The following HAUS5 variants were observed in gnomAD, a reference collection of about 807,000 sequenced individuals.
The protein encoded by HAUS5 is HAUS augmin-like complex subunit 5.
Under a neutral mutation model 94.1 loss-of-function variants are expected in HAUS5, and 67 were observed. The observed-to-expected ratio is 0.71, with a 90% CI of 0.58 to 0.87. The LOEUF (loss-of-function observed/expected upper bound fraction) is 0.87, where lower values mean the gene tolerates loss of function less well. Ranked by LOEUF, HAUS5 falls within the 40% of genes least tolerant of loss-of-function variation. The pLI, the probability that HAUS5 is intolerant of heterozygous loss-of-function variation, is 0.00. For synonymous variants in HAUS5, 339 were observed against 355.4 expected (o/e 0.95, Z 0.52); for missense variants, 739 against 825.6 (o/e 0.90, Z 1.29).
At chr19:35,618,794 C>T in intron 12 of HAUS5, 93 bp from the exon 13 acceptor site, 2 of 1,517,970 alleles carry the variant, frequency 1.3e-6, no homozygotes, top group Non-Finnish European at 8.9e-7. Flanking sequence ...CCTATCTCTG[C>T]CTCCTCTCCC....
chr19:35,620,126 G>A lies in HAUS5; in HGVS notation c.1518+3G>A. ...AGCTGGGGCTGCCTCCAGGGAAGGT[G>A]AGTGCCCGTCTCCTGTGACTTGTCT... On this transcript the variant is annotated splice_donor_region_variant and intron_variant, in intron 16 of 18. Coordinates refer to ENST00000203166, the MANE Select transcript of HAUS5 (RefSeq NM_015302.2). The A allele has an allele frequency of 6.2e-7, 1 of 1,613,632 alleles. No individual in the cohort carries two copies. The highest frequency in any genetic ancestry group is 8.5e-7 in the Non-Finnish European group (1 of 1,179,656).
intron 6 of HAUS5, among the ~76,000 whole-genome samples, 181 bp from the exon 7 acceptor site, chr19:35,616,943 A>C (rs1431919775): frequency 6.6e-6 from 1 of 152,178 alleles, no homozygotes; most frequent in Non-Finnish European, 1.5e-5. Context: ...CGTGGAGCAA[A>C]AGCAGTGGGG....
chr19:35,617,556 G>A (rs765305090), intron 8 of HAUS5, among the ~76,000 whole-genome samples, 187 bp downstream of exon 8: 30 of 152,210 alleles, frequency 2.0e-4, no homozygotes, highest in Non-Finnish European at 2.9e-4. Flanking sequence ...GGGCTGTTGC[G>A]GGAGTGAGGA....
intron 17 of HAUS5, 148 bp downstream of exon 17, chr19:35,620,475 G>A (rs1967193072): frequency 2.8e-6 from 2 of 703,680 alleles, no homozygotes; most frequent in Non-Finnish European, 4.7e-6. Flanking sequence ...CATCTGCACG[G>A]CAGTCCCATA....
At chr19:35,617,832 T>C in intron 8 of HAUS5, 23 bp from the exon 9 acceptor site, 1 of 1,611,112 alleles carries the variant, frequency 6.2e-7, no homozygotes, top group Non-Finnish European at 8.5e-7. Flanking sequence ...TAACGTTCTC[T>C]GTCCGCTTAC....
At position 35,614,062 on chromosome 19, in the gene HAUS5, G is replaced by A; in HGVS notation, c.219+3G>A. 6 of 1,613,388 alleles carry A rather than the reference G, an allele frequency of 3.7e-6. No homozygotes were observed. Among genetic ancestry groups the A allele is most frequent in the Admixed American group, 1.7e-5 (1 of 60,006 alleles). On this transcript the variant is annotated splice_donor_region_variant and intron_variant, in intron 4 of 18. Coordinates refer to ENST00000203166, the MANE Select transcript of HAUS5 (RefSeq NM_015302.2). ...ATGGCCACCAGGACAGTCCACAGGT[G>A]AGAAGCATATGCTACAAGATTCTCT... is the stretch of plus-strand genomic sequence containing the variant.
rs561793567 is a variant in HAUS5, at chr19:35,615,332, G to A, written c.431G>A (p.Arg144Gln). The stretch of plus-strand genomic sequence containing the variant: ...ATGCGAAGACAGCAGCATACGCTCC[G>A]AGATCCCATGCAGCGGCTGCAGAAT... ...GAMRRQQHTL[R>Q]DPMQRLQNQL... The change falls in exon 6 of 19, where the codon CGA becomes CAA. Residue 144 changes from arginine (R) to glutamine (Q), a missense_variant. Coordinates refer to ENST00000203166, the MANE Select transcript of HAUS5 (RefSeq NM_015302.2). 1.1e-5 allele frequency: 17 copies of A among 1,612,886 alleles called. No individual in the cohort carries two copies. In the Admixed American group the frequency reaches 1.7e-4, roughly 16 times the overall value.
chr19:35,618,637 G>A lies in HAUS5; in HGVS notation c.954G>A (p.Leu318=), dbSNP rs752433023. The A allele has an allele frequency of 1.9e-6, 3 of 1,607,970 alleles. No homozygotes were observed. Among genetic ancestry groups the A allele is most frequent in the Non-Finnish European group, 2.6e-6 (3 of 1,175,308 alleles). ...RSTLLKERQV[L]TQRLQGLVEE... is the part of the protein sequence containing the mutation. ...CCCTCCTGAAGGAGCGGCAAGTCTT[G>A]ACCCAGCGCCTCCAGGGCCTGGTGG... is the stretch of plus-strand genomic sequence containing the variant. Residue 318 remains leucine, a synonymous_variant, in exon 12 of 19, where the codon TTG becomes TTA. Coordinates refer to ENST00000203166, the MANE Select transcript of HAUS5 (RefSeq NM_015302.2).
chr19:35,621,900 G>A (rs955408343), intron 17 of HAUS5, among the ~76,000 whole-genome samples: 2 of 152,222 alleles, frequency 1.3e-5, no homozygotes, highest in African/African-American at 2.4e-5. Flanking sequence ...CACGCTGCTC[G>A]TCTGCACTTG....
In HAUS5 at chr19:35,618,096, G is replaced by T. The variant is rs202043990; in HGVS notation, c.722G>T (p.Gly241Val). The T allele has an allele frequency of 1.3e-5, 21 of 1,603,898 alleles. No homozygotes were observed. Among genetic ancestry groups the T allele is most frequent in the Admixed American group, 5.1e-5 (3 of 59,268 alleles). Residue 241 changes from glycine to valine, a missense_variant, in exon 10 of 19, where the codon GGC becomes GTC. Physicochemically the swap from Gly to Val is moderately radical, Grantham distance 109 (BLOSUM62 -3). Coordinates refer to ENST00000203166, the MANE Select transcript of HAUS5 (RefSeq NM_015302.2). ...ACGCTGCTGACAAACCACCCCCCAG[G>T]CCACGTCCTGGCTGCCTTGGAGCAC... Reference protein sequence around the residue: ...VETLLTNHPPGHVLAALEHLA... With the variant: ...VETLLTNHPPVHVLAALEHLA...
In HAUS5 at chr19:35,619,445, C is replaced by T. The variant is rs746734433; in HGVS notation, c.1201C>T (p.Arg401Cys). 4.1e-5 allele frequency: 65 copies of T among 1,604,010 alleles called. 1 individual carries two copies. Among genetic ancestry groups the T allele is most frequent in the South Asian group, 3.5e-4 (31 of 89,048 alleles). ...QLVEETQEQV[R>C]LLIKGNSASK... ...TCAGGAGGAGACCCAGGAACAGGTC[C>T]GCCTGCTCATCAAGGGAAACTCGGC... The change falls in exon 14 of 19, where the codon CGC becomes TGC. Residue 401 changes from arginine to cysteine, a missense_variant. Arg to Cys is a radical substitution (Grantham distance 180). Transcript: ENST00000203166.
chr19:35,613,755 A>T lies in HAUS5; in HGVS notation c.124A>T (p.Ile42Phe). 5 of 1,614,116 alleles carry T rather than the reference A, an allele frequency of 3.1e-6. No homozygotes were observed. Among genetic ancestry groups the T allele is most frequent in the Non-Finnish European group, 4.2e-6 (5 of 1,180,000 alleles). The change falls in exon 2 of 19, where the codon ATC (isoleucine) becomes TTC (phenylalanine). Residue 42 changes from isoleucine to phenylalanine, a missense_variant. Ile to Phe is a conservative substitution (Grantham distance 21). Transcript: ENST00000203166. ...GCTGTGTCTGGGCCAGGGGGCTGAC[A>T]TCTGGGCCTACATCTTGCAGCATGT... The part of the protein sequence containing the change: ...RRLCLGQGAD[I>F]WAYILQHVHS...
At position 35,622,864 on chromosome 19, in the gene HAUS5, G is replaced by A. The variant is rs764863560; in HGVS notation, c.1785-12G>A. On this transcript the variant is annotated splice_polypyrimidine_tract_variant and intron_variant, in intron 18 of 18. Coordinates refer to ENST00000203166, the MANE Select transcript of HAUS5 (RefSeq NM_015302.2). ...TCAGTCCTTTCCTCGTTGACGCCAT[G>A]CCATTCCCCAGGTGGGAGCAGCCAG... is the stretch of plus-strand genomic sequence containing the variant. 1 of 1,611,664 alleles carries A rather than the reference G, an allele frequency of 6.2e-7. No homozygotes were observed.
At chr19:35,621,362 A>G (rs1335826854) in intron 17 of HAUS5, among the ~76,000 whole-genome samples, 2 of 151,998 alleles carry the variant, frequency 1.3e-5, no homozygotes, top group Non-Finnish European at 2.9e-5. Flanking sequence ...TGTTTTTTTG[A>G]GACAAGGTCT....
intron 7 of HAUS5, 37 bp downstream of exon 7, chr19:35,617,230 C>G: frequency 6.2e-7 from 1 of 1,610,010 alleles, no homozygotes; most frequent in Non-Finnish European, 8.5e-7. Flanking sequence ...GGCAGGGAGC[C>G]TGGAGTCAGG....
chr19:35,613,831 G>A, intron 2 of HAUS5, 37 bp from the exon 3 acceptor site: 1 of 1,614,004 alleles, frequency 6.2e-7, no homozygotes. Context: ...CACAGGTGAG[G>A]CCCATAGTAA....
At position 35,625,217 on chromosome 19, in the gene HAUS5, GATGTA is replaced by G. The variant is rs1349027625; in HGVS notation, c.*2229_*2233del. The G allele has an allele frequency of 6.6e-6, 1 of 152,158 alleles. No homozygotes were observed. The highest frequency in any genetic ancestry group is 1.5e-5 in the Non-Finnish European group (1 of 68,034). 9.4% of individuals were successfully genotyped at this position (152,158 alleles called of 1,614,324 possible). ...TTATATACTAAAGCAAATAAGTAGT[GATGTA>G]ATGTCATTGGGGACCAAGATTTTTA... On this transcript the variant is annotated 3_prime_UTR_variant, in exon 19 of 19. Coordinates refer to ENST00000203166, the MANE Select transcript of HAUS5 (RefSeq NM_015302.2).
chr19:35,613,999 C>G, intron 3 of HAUS5, 36 bp from the exon 4 acceptor site: 2 of 1,613,406 alleles, frequency 1.2e-6, no homozygotes. Flanking sequence ...CCCTAGAAGC[C>G]CCACTCATCC....
At chr19:35,622,324 G>A (rs563157689) in intron 17 of HAUS5, among the ~76,000 whole-genome samples, 15 of 151,714 alleles carry the variant, frequency 9.9e-5, no homozygotes, top group African/African-American at 2.9e-4. Context: ...GGGCTCTCAC[G>A]GGGAGGGAGG....
Sources: allele counts gnomAD v4.1 joint callset (sites outside exome capture counted in the v4.1 genomes callset), GRCh38; gene constraint gnomAD v4.1.1; transcripts MANE v1.5; gene names NCBI Gene and HGNC (gene_info 2026-07-23, HGNC 2026-07-21).